The following LRP1B variants were observed in gnomAD, a reference collection of about 807,000 sequenced individuals.
LRP1B encodes the protein LDL receptor related protein 1B, also known as low-density lipoprotein receptor-related protein 1B.
LRP1B carries 217 observed loss-of-function variants against 556.6 expected under a neutral mutation model. The ratio of observed to expected loss-of-function variants is 0.39; its 90% CI spans 0.35 to 0.44. The LOEUF (loss-of-function observed/expected upper bound fraction) is 0.44, where lower values mean the gene tolerates loss of function less well. Ranked by LOEUF, LRP1B falls within the 20% of genes least tolerant of loss-of-function variation. LRP1B has a pLI of 1.00. For synonymous variants in LRP1B, 2,047 were observed against 1,865.8 expected, an observed-to-expected ratio of 1.10 and a Z score of -2.50; for missense variants, 5,053 against 5,620.8, an observed-to-expected ratio of 0.90 and a Z score of 3.23.
chr2:140,770,151 T>A (rs1015772738), intron 34 of LRP1B, among the ~76,000 whole-genome samples: 34 of 151,692 alleles, frequency 2.2e-4, no homozygotes, highest in Non-Finnish European at 3.4e-4. Flanking sequence ...TAAATGGGGA[T>A]AATAAGAGAA....
At chr2:141,886,921 G>C (rs1699132953) in intron 1 of LRP1B, among the ~76,000 whole-genome samples, 1 of 149,230 alleles carries the variant, frequency 6.7e-6, no homozygotes, top group South Asian at 2.1e-4. Flanking sequence ...TTTATTTTCT[G>C]TGTGTGTGTA....
chr2:141,055,045 C>G lies in LRP1B; in HGVS notation c.1552+71G>C, dbSNP rs1222041159. ...TCTCATGTTATGACTGATGTTGATG[C>G]TGCTAATTAATACTTAAAATCCTAT... On this transcript the variant is annotated intron_variant, in intron 10 of 90. Transcript: ENST00000389484. 4.5e-6 allele frequency: 7 copies of G among 1,540,204 alleles called. No homozygotes were observed. The South Asian group carries it at 7.2e-5, about 16-fold the overall frequency.
rs900276568 is a variant in LRP1B at position 141,594,923 on chromosome 2, T to A, written c.206-114390A>T. 2.0e-5 allele frequency among the ~76,000 whole-genome samples: 3 copies of A among 152,236 alleles called. No individual in the cohort carries two copies. The East Asian group carries it at 5.8e-4, about 29-fold the overall frequency. On this transcript the variant is annotated intron_variant, in intron 2 of 90. Coordinates refer to ENST00000389484, the MANE Select transcript of LRP1B (RefSeq NM_018557.3). ...TGTAATTTCTAGTTTTCCTAAATTA[T>A]AGAAGTTTATGAACTATGAGAGACC...
chr2:141,517,149 A>C (rs1263613027), intron 2 of LRP1B, among the ~76,000 whole-genome samples: 1 of 150,384 alleles, frequency 6.6e-6, no homozygotes, highest in Non-Finnish European at 1.5e-5. Context: ...TGTTTACATG[A>C]GTTACTATTT....
intron 1 of LRP1B, among the ~76,000 whole-genome samples, chr2:141,998,158 G>A (rs1702552370): frequency 6.6e-6 from 1 of 152,064 alleles, no homozygotes; most frequent in Non-Finnish European, 1.5e-5. Flanking sequence ...TTCACCTAGA[G>A]CTCAGAGGTC....
chr2:141,500,323 T>C (rs1319997609), intron 2 of LRP1B, among the ~76,000 whole-genome samples: 1 of 152,132 alleles, frequency 6.6e-6, no homozygotes, highest in African/African-American at 2.4e-5. Flanking sequence ...CTCTCAAACC[T>C]AGCCACTACT....
At chr2:141,890,367 A>ATGTATTGTG in intron 1 of LRP1B, among the ~76,000 whole-genome samples, 1 of 106,370 alleles carries the variant, frequency 9.4e-6, no homozygotes, top group South Asian at 2.7e-4. Context: ...GTGCATATAT[A>ATGTATTGTG]TATATAGTGT....
chr2:140,945,102 T>C (rs1331517377), intron 20 of LRP1B, among the ~76,000 whole-genome samples: 1 of 152,100 alleles, frequency 6.6e-6, no homozygotes, highest in African/African-American at 2.4e-5. Context: ...TTTTATACAC[T>C]AATAGCATTC....
chr2:140,405,684 G>A (rs1381631501), intron 66 of LRP1B, among the ~76,000 whole-genome samples: 1 of 152,078 alleles, frequency 6.6e-6, no homozygotes, highest in East Asian at 1.9e-4. Flanking sequence ...CCAATAACAA[G>A]CTGTGAGATT....
intron 3 of LRP1B, among the ~76,000 whole-genome samples, chr2:141,425,384 G>A (rs1245640673): frequency 1.3e-5 from 2 of 149,382 alleles, no homozygotes; most frequent in African/African-American, 5.0e-5. Context: ...AAACATATGT[G>A]TGCATGTGTC....
At chr2:141,722,689 C>T (rs1368517992) in intron 2 of LRP1B, among the ~76,000 whole-genome samples, 1 of 151,754 alleles carries the variant, frequency 6.6e-6, no homozygotes, top group Non-Finnish European at 1.5e-5. Flanking sequence ...TCACATATTT[C>T]TCTCTCTACA....
At chr2:141,471,373 T>C (rs1474708901) in intron 3 of LRP1B, among the ~76,000 whole-genome samples, 1 of 151,712 alleles carries the variant, frequency 6.6e-6, no homozygotes, top group East Asian at 1.9e-4. Context: ...TAACTCCTCT[T>C]GGTCTATTCC....
intron 1 of LRP1B, among the ~76,000 whole-genome samples, chr2:141,819,263 A>C (rs1482822154): frequency 3.9e-4 from 59 of 152,178 alleles, no homozygotes; most frequent in Non-Finnish European, 7.1e-4. Flanking sequence ...AAACAAAAAA[A>C]AAAACAAAAA....
chr2:141,793,006 C>G (rs1033823337), intron 2 of LRP1B, among the ~76,000 whole-genome samples: 1 of 151,888 alleles, frequency 6.6e-6, no homozygotes, highest in Non-Finnish European at 1.5e-5. Context: ...ATTTTAGATG[C>G]TATCAGCTGC....
In LRP1B at chr2:141,526,003, T is replaced by A. The variant is rs182862490; in HGVS notation, c.206-45470A>T. On this transcript the variant is annotated intron_variant, in intron 2 of 90. Transcript: ENST00000389484. ...TCTTCATATAATTCAATGAGGTGAA[T>A]AATATTATCTTCCAGTTCTTTATAA... Among the ~76,000 whole-genome samples, 92 of 152,164 alleles carry A rather than the reference T, an allele frequency of 6.0e-4. No homozygotes were observed. In the East Asian group the frequency reaches 0.017, roughly 29 times the overall value.
intron 1 of LRP1B, among the ~76,000 whole-genome samples, chr2:141,818,145 A>G (rs962551198): frequency 6.6e-6 from 1 of 152,202 alleles, no homozygotes; most frequent in Non-Finnish European, 1.5e-5. Flanking sequence ...GCTAAAAGAG[A>G]AATATGGTTA....
Position 140,297,975 on chromosome 2 carries a change from G to A in LRP1B, c.12806-6C>T. 1 of 1,583,190 alleles carries A rather than the reference G, an allele frequency of 6.3e-7. No individual in the cohort carries two copies. The highest frequency in any genetic ancestry group is 8.6e-7 in the Non-Finnish European group (1 of 1,158,990). On this transcript the variant is annotated splice_region_variant and splice_polypyrimidine_tract_variant and intron_variant, in intron 83 of 90. Coordinates refer to ENST00000389484, the MANE Select transcript of LRP1B (RefSeq NM_018557.3). ...ACAGCTGCAGGTGGGTCTCCCTATT[G>A]GAAACAATAAGTAATAAAAAGCAAA...
In LRP1B at chr2:140,842,329, G is replaced by C. The variant is rs537089735; in HGVS notation, c.4940-1237C>G. ...AGCCTTAAAGTGCAGTATTTGAATG[G>C]TAGGCTTCCAGCTTACATTTCCATG... On this transcript the variant is annotated intron_variant, in intron 29 of 90. Coordinates refer to ENST00000389484, the MANE Select transcript of LRP1B (RefSeq NM_018557.3). 2.5e-4 allele frequency among the ~76,000 whole-genome samples: 38 copies of C among 152,256 alleles called. No homozygotes were observed. In the South Asian group the frequency reaches 7.5e-3, roughly 30 times the overall value.
At chr2:141,326,120 T>C (rs1687417692) in intron 3 of LRP1B, among the ~76,000 whole-genome samples, 1 of 152,124 alleles carries the variant, frequency 6.6e-6, no homozygotes, top group African/African-American at 2.4e-5. Context: ...GAATATTCAT[T>C]TACACAGAGA....
Sources: allele counts gnomAD v4.1 joint callset (sites outside exome capture counted in the v4.1 genomes callset), GRCh38; gene constraint gnomAD v4.1.1; transcripts MANE v1.5; gene names NCBI Gene and HGNC (gene_info 2026-07-23, HGNC 2026-07-21).